ANAPC15: variants seen among roughly 807,000 people sequenced by gnomAD.
ANAPC15 encodes anaphase-promoting complex subunit 15.
Under a neutral mutation model 19.8 loss-of-function variants are expected in ANAPC15, and 13 were observed. The observed-to-expected ratio is 0.66, with a 90% CI of 0.43 to 1.04. ANAPC15 has a LOEUF of 1.04. Among genes scored for constraint, ANAPC15 ranks in the 50% least tolerant of loss-of-function variants. The probability of loss-of-function intolerance (pLI) is 0.00; values close to 1 mark genes in which losing one functional copy is unlikely to be tolerated. For synonymous variants in ANAPC15, 45 were observed against 50.7 expected, an observed-to-expected ratio of 0.89 and a Z score of 0.47; for missense variants, 88 against 150.3, an observed-to-expected ratio of 0.59 and a Z score of 2.17.
At chr11:72,108,818 G>T, downstream of ANAPC15, 2 of 1,550,618 alleles carry the variant, frequency 1.3e-6, no homozygotes, top group Non-Finnish European at 1.7e-6. Context: ...CTTGCAGTAT[G>T]CTAAGAGCTG....
At chr11:72,110,422 A>G in intron 4 of ANAPC15, 122 bp downstream of exon 4, 1 of 1,524,106 alleles carries the variant, frequency 6.6e-7, no homozygotes, top group South Asian at 1.2e-5. Flanking sequence ...CTCCCCTTTT[A>G]GGCTTTTACC....
chr11:72,110,699 G>C, intron 3 of ANAPC15, 96 bp from the exon 4 acceptor site: 2 of 1,336,198 alleles, frequency 1.5e-6, no homozygotes, highest in South Asian at 2.5e-5. Flanking sequence ...CAACCCACAC[G>C]TGTTGGGGAG....
chr11:72,108,801 C>T, downstream of ANAPC15: 5 of 1,550,554 alleles, frequency 3.2e-6, no homozygotes, highest in Non-Finnish European at 4.4e-6. Flanking sequence ...CCTGGTGCAC[C>T]CCGCTTCTTG....
At chr11:72,106,433 GA>G, downstream of ANAPC15, 1 of 463,200 alleles carries the variant, frequency 2.2e-6, no homozygotes, top group Non-Finnish European at 3.7e-6. Flanking sequence ...GTGCCAGGGA[GA>G]GGGGTAGAGG....
chr11:72,108,650 C>T (rs776808501), downstream of ANAPC15: 47 of 1,512,054 alleles, frequency 3.1e-5, no homozygotes, highest in Non-Finnish European at 3.7e-5. Context: ...CCCGTGCCTA[C>T]GCACCCAGTA....
intron 4 of ANAPC15, 141 bp from the exon 5 acceptor site, chr11:72,110,366 T>G: frequency 6.5e-7 from 1 of 1,549,200 alleles, no homozygotes; most frequent in Non-Finnish European, 8.8e-7. Flanking sequence ...GGCTGGTGCA[T>G]GTTCTGCAGG....
At position 72,109,666 on chromosome 11, in the gene ANAPC15, G is replaced by C; in HGVS notation, c.*215C>G. On this transcript the variant is annotated 3_prime_UTR_variant, in exon 6 of 6. Transcript: ENST00000227618. ...AAGGGGTGAGGTACTGGCCAGGAAG[G>C]TGGAGTAGGTTTCAGGCCCTGGGGA... 1.6e-6 allele frequency: 1 copy of C among 618,896 alleles called. No individual in the cohort carries two copies. The highest frequency in any genetic ancestry group is 2.9e-6 in the Non-Finnish European group (1 of 348,344). 38.3% of individuals were successfully genotyped at this position (618,896 alleles called of 1,614,324 possible).
At chr11:72,107,502 T>G (rs376490919), downstream of ANAPC15, 1 of 702,840 alleles carries the variant, frequency 1.4e-6, no homozygotes, top group Admixed American at 2.0e-5. Flanking sequence ...CAGCCACATA[T>G]ACACATGTGG....
At chr11:72,108,368 G>C (rs1370819086), downstream of ANAPC15, among the ~76,000 whole-genome samples, 1 of 152,202 alleles carries the variant, frequency 6.6e-6, no homozygotes, top group Non-Finnish European at 1.5e-5. Context: ...CTCTTACTCT[G>C]CCTCTTGTTA....
chr11:72,110,331 C>T (rs982774430), intron 4 of ANAPC15, 106 bp from the exon 5 acceptor site: 128 of 1,582,616 alleles, frequency 8.1e-5, no homozygotes, highest in Non-Finnish European at 9.5e-5. Flanking sequence ...CCCCCTACCC[C>T]GACACTCCCT....
Position 72,109,629 on chromosome 11 carries a change from G to C in ANAPC15, c.*252C>G, listed in dbSNP as rs1429091916. On this transcript the variant is annotated 3_prime_UTR_variant, in exon 6 of 6. Coordinates refer to ENST00000227618, the MANE Select transcript of ANAPC15 (RefSeq NM_014042.3). The stretch of plus-strand genomic sequence containing the variant: ...GTCTTTATTAAAGAAACTTAGACCA[G>C]ACCTGGCAATCAAGGGGTGAGGTAC... 5 of 595,942 alleles carry C rather than the reference G, an allele frequency of 8.4e-6. No homozygotes were observed. Among genetic ancestry groups the C allele is most frequent in the African/African-American group, 1.9e-5 (1 of 53,746 alleles). 36.9% of individuals were successfully genotyped at this position (595,942 alleles called of 1,614,324 possible).
chr11:72,112,348 G>A (rs1403883696), intron 1 of ANAPC15: 1 of 172,602 alleles, frequency 5.8e-6, no homozygotes, highest in Non-Finnish European at 1.3e-5. Flanking sequence ...AGAAAGCAGG[G>A]CGGGTCTCAG....
In ANAPC15 at chr11:72,110,151, A is replaced by G; in HGVS notation, c.255T>C (p.Asp85=). 1 of 1,614,086 alleles carries G rather than the reference A, an allele frequency of 6.2e-7. No homozygotes were observed. Among genetic ancestry groups the G allele is most frequent in the South Asian group, 1.1e-5 (1 of 91,078 alleles). The change falls in exon 5 of 6, where the codon GAT becomes GAC. Residue 85 remains aspartate, a synonymous_variant. Coordinates refer to ENST00000227618, the MANE Select transcript of ANAPC15 (RefSeq NM_014042.3). ...CATTCATCTCGTCCATGTCCTGCATATCCTCATCATCCTCTGAGTCCTCTT... is the reference window on the plus strand; with the variant it reads ...CATTCATCTCGTCCATGTCCTGCATGTCCTCATCATCCTCTGAGTCCTCTT... ...DSEEDSEDDE[D]MQDMDEMNDY... is the part of the protein sequence containing the mutation.
chr11:72,109,325 C>T (rs956514341), downstream of ANAPC15: 2 of 468,196 alleles, frequency 4.3e-6, no homozygotes, highest in South Asian at 1.5e-5. Context: ...AGCCTCCCAT[C>T]CTCAGCCCAT....
downstream of ANAPC15, chr11:72,108,483 T>C: frequency 1.2e-6 from 1 of 803,006 alleles, no homozygotes; most frequent in East Asian, 2.8e-5. Flanking sequence ...TCAGAGGAAA[T>C]GTGAGAACAC....
downstream of ANAPC15, chr11:72,107,234 T>C (rs1945774696): frequency 1.7e-6 from 1 of 585,058 alleles, no homozygotes; most frequent in Non-Finnish European, 3.0e-6. Flanking sequence ...GCTACTGCAC[T>C]CCAGCCTGGG....
chr11:72,111,103 A>G, intron 3 of ANAPC15, 54 bp downstream of exon 3: 1 of 1,047,894 alleles, frequency 9.5e-7, no homozygotes. Flanking sequence ...TGGCCCACTG[A>G]AGGAGGTCTC....
At chr11:72,110,269 G>T in intron 4 of ANAPC15, 44 bp from the exon 5 acceptor site, 1 of 1,609,308 alleles carries the variant, frequency 6.2e-7, no homozygotes, top group Non-Finnish European at 8.5e-7. Flanking sequence ...GGCCTGCATG[G>T]ACCAGTTCAA....
chr11:72,107,176 A>C (rs1339032415), downstream of ANAPC15: 1 of 468,764 alleles, frequency 2.1e-6, no homozygotes, highest in Non-Finnish European at 3.8e-6. Flanking sequence ...CTGAGGTGGG[A>C]GGATTGCCTG....
Sources: gnomAD v4.1 joint callset for allele counts (sites outside exome capture counted in the v4.1 genomes callset) on GRCh38, gnomAD v4.1.1 for gene constraint, MANE v1.5 for transcripts, NCBI Gene and HGNC (gene_info 2026-07-23, HGNC 2026-07-21) for gene names.